Variants in FBXW7 observed in about 807,000 individuals in gnomAD.
FBXW7 encodes F-box and WD repeat domain containing 7, also known as F-box/WD repeat-containing protein 7.
Under a neutral mutation model 86.3 loss-of-function variants are expected in FBXW7, and 11 were observed. That is an observed-to-expected ratio of 0.13 (90% confidence interval 0.08 to 0.21). FBXW7 has a LOEUF of 0.21. FBXW7 is among the 10% of genes least tolerant of loss of function. The pLI is 1.00. For missense variants in FBXW7, 488 were observed against 847.4 expected (o/e 0.58, Z 5.27); for synonymous variants, 313 against 297.9 (o/e 1.05, Z -0.52).
intron 6 of FBXW7, among the ~76,000 whole-genome samples, chr4:152,346,050 T>G (rs1018663605): frequency 3.3e-5 from 5 of 152,162 alleles, no homozygotes; most frequent in Non-Finnish European, 7.4e-5. Context: ...AGTAAGTACT[T>G]AATCCTTGCC....
At chr4:152,329,641 ACTTTGTG>A (rs1181329471) in intron 10 of FBXW7, 24 bp downstream of exon 10, 1 of 1,160,684 alleles carries the variant, frequency 8.6e-7, no homozygotes, top group Non-Finnish European at 1.2e-6. Flanking sequence ...CAAAATTATG[ACTTTGTG>A]AAGTGTAGGA....
chr4:152,385,313 A>C lies in FBXW7; in HGVS notation c.501+25990T>G, dbSNP rs573227069. On this transcript the variant is annotated intron_variant, in intron 4 of 13. Transcript: ENST00000281708. ...TTTGGCATTTAGAAAAATGAATCAAAGACCTAGTTAGCCATCAGTGGTTAT... is the reference window on the plus strand; with the variant it reads ...TTTGGCATTTAGAAAAATGAATCAACGACCTAGTTAGCCATCAGTGGTTAT... Among the ~76,000 whole-genome samples the C allele has an allele frequency of 2.0e-5, 3 of 152,172 alleles. No individual in the cohort carries two copies. In the South Asian group the frequency reaches 6.2e-4, roughly 32 times the overall value.
intron 6 of FBXW7, among the ~76,000 whole-genome samples, chr4:152,340,525 G>A (rs1327403132): frequency 7.1e-5 from 10 of 140,826 alleles, no homozygotes; most frequent in South Asian, 2.2e-4. Flanking sequence ...GCAGTGAGCC[G>A]AGATTGTACC....
intron 4 of FBXW7, among the ~76,000 whole-genome samples, chr4:152,381,252 A>G (rs2126776591): frequency 6.6e-6 from 1 of 152,232 alleles, no homozygotes; most frequent in African/African-American, 2.4e-5. Context: ...TTCCAGTGTT[A>G]TGGATTATTC....
intron 2 of FBXW7, among the ~76,000 whole-genome samples, chr4:152,447,181 C>T (rs1215926018): frequency 6.6e-6 from 1 of 152,110 alleles, no homozygotes; most frequent in South Asian, 2.1e-4. Flanking sequence ...ATTTGAATAC[C>T]ACATGTGATG....
chr4:152,397,897 T>C (rs1034102122), intron 4 of FBXW7, among the ~76,000 whole-genome samples: 1 of 151,714 alleles, frequency 6.6e-6, no homozygotes, highest in Non-Finnish European at 1.5e-5. Flanking sequence ...CCAGAGCAAA[T>C]AACAATGAGA....
intron 8 of FBXW7, among the ~76,000 whole-genome samples, chr4:152,332,016 T>A (rs1412849419): frequency 1.3e-5 from 2 of 152,098 alleles, no homozygotes; most frequent in Admixed American, 1.3e-4. Flanking sequence ...GCTCTATGAT[T>A]CTTTCTAAAA....
At chr4:152,348,790 G>T in intron 5 of FBXW7, 1 of 701,890 alleles carries the variant, frequency 1.4e-6, no homozygotes, top group Non-Finnish European at 2.0e-6. Context: ...ATCATGACTA[G>T]AAGGGAAAAG....
chr4:152,507,698 T>G (rs1747552899), intron 2 of FBXW7, among the ~76,000 whole-genome samples: 2 of 152,128 alleles, frequency 1.3e-5, no homozygotes, highest in Non-Finnish European at 2.9e-5. Flanking sequence ...AATGGCTGAT[T>G]TCATGGCTGG....
At chr4:152,521,203 ATGT>A (rs1239089786) in intron 2 of FBXW7, among the ~76,000 whole-genome samples, 1 of 152,168 alleles carries the variant, frequency 6.6e-6, no homozygotes, top group Non-Finnish European at 1.5e-5. Context: ...ACAAATAAGG[ATGT>A]TAAGTGCTAT....
intron 6 of FBXW7, among the ~76,000 whole-genome samples, chr4:152,338,671 T>C: frequency 6.6e-6 from 1 of 151,976 alleles, no homozygotes; most frequent in East Asian, 1.9e-4. Context: ...TAAAACATTA[T>C]CCCAGTGAAG....
At chr4:152,392,526 C>A (rs1579077808) in intron 4 of FBXW7, among the ~76,000 whole-genome samples, 1 of 152,256 alleles carries the variant, frequency 6.6e-6, no homozygotes, top group South Asian at 2.1e-4. Context: ...CACTTTTGCA[C>A]CTCCAGCCAT....
chr4:152,511,646 T>A (rs1434523955), intron 2 of FBXW7, among the ~76,000 whole-genome samples: 1 of 152,076 alleles, frequency 6.6e-6, no homozygotes, highest in Non-Finnish European at 1.5e-5. Flanking sequence ...GGGACTAGTT[T>A]CAAAAACAAT....
At chr4:152,347,784 A>G (rs894437775) in intron 5 of FBXW7, among the ~76,000 whole-genome samples, 1 of 152,124 alleles carries the variant, frequency 6.6e-6, no homozygotes, top group Non-Finnish European at 1.5e-5. Flanking sequence ...TTGAAATTCA[A>G]TTCTGCCACT....
At chr4:152,471,475 A>G (rs1455299301) in intron 2 of FBXW7, among the ~76,000 whole-genome samples, 1 of 105,188 alleles carries the variant, frequency 9.5e-6, no homozygotes, top group East Asian at 3.3e-4. Flanking sequence ...GAAGGAGGGA[A>G]GCAGGGAGGG....
chr4:152,349,539 T>C (rs1731601071), intron 5 of FBXW7, among the ~76,000 whole-genome samples: 1 of 151,944 alleles, frequency 6.6e-6, no homozygotes, highest in South Asian at 2.1e-4. Flanking sequence ...GAAACTATTC[T>C]ACTGGTATAG....
At chr4:152,497,992 C>T (rs1034666598) in intron 2 of FBXW7, among the ~76,000 whole-genome samples, 10 of 152,060 alleles carry the variant, frequency 6.6e-5, no homozygotes, top group African/African-American at 2.4e-4. Context: ...TGTACAAAAA[C>T]AGCAGGGAAA....
At chr4:152,449,255 A>T (rs531819358) in intron 2 of FBXW7, among the ~76,000 whole-genome samples, 2 of 152,232 alleles carry the variant, frequency 1.3e-5, no homozygotes, top group Non-Finnish European at 2.9e-5. Context: ...AATTTACAGA[A>T]TTGTTTTCAA....
intron 6 of FBXW7, among the ~76,000 whole-genome samples, chr4:152,338,678 G>T (rs1173986124): frequency 1.3e-5 from 2 of 152,022 alleles, no homozygotes; most frequent in African/African-American, 4.8e-5. Flanking sequence ...TTATCCCAGT[G>T]AAGAACACCT....
Sources: gnomAD v4.1 joint callset for allele counts (sites outside exome capture counted in the v4.1 genomes callset) on GRCh38, gnomAD v4.1.1 for gene constraint, MANE v1.5 for transcripts, NCBI Gene and HGNC (gene_info 2026-07-23, HGNC 2026-07-21) for gene names.